Variants in AGTPBP1 observed in about 807,000 individuals in gnomAD.
AGTPBP1 encodes the protein cytosolic carboxypeptidase 1.
AGTPBP1 carries 70 observed loss-of-function variants against 143.9 expected under a neutral mutation model. The ratio of observed to expected loss-of-function variants is 0.49; its 90% CI spans 0.40 to 0.59. AGTPBP1 has a LOEUF of 0.59. Ranked by LOEUF, AGTPBP1 falls within the 20% of genes least tolerant of loss-of-function variation. The pLI, the probability that AGTPBP1 is intolerant of heterozygous loss-of-function variation, is 0.00. For missense variants in AGTPBP1, 1,229 were observed against 1,464.5 expected, an observed-to-expected ratio of 0.84 and a Z score of 2.62; for synonymous variants, 463 against 500.2, an observed-to-expected ratio of 0.93 and a Z score of 0.99.
intron 25 of AGTPBP1, among the ~76,000 whole-genome samples, chr9:85,563,046 A>T (rs1826844046): frequency 6.6e-6 from 1 of 152,184 alleles, no homozygotes; most frequent in African/African-American, 2.4e-5. Context: ...CCAGACACTG[A>T]ATCTGCTGAT....
chr9:85,735,301 C>T (rs1234618533), intron 1 of AGTPBP1, among the ~76,000 whole-genome samples: 1 of 152,196 alleles, frequency 6.6e-6, no homozygotes, highest in Non-Finnish European at 1.5e-5. Context: ...ATGATTGATT[C>T]CACTCATGTG....
chr9:85,549,187 A>G (rs975915791), intron 25 of AGTPBP1, among the ~76,000 whole-genome samples: 15 of 152,214 alleles, frequency 9.9e-5, no homozygotes, highest in African/African-American at 3.1e-4. Flanking sequence ...GGAGACAGTC[A>G]TAACAAGAAG....
At chr9:85,725,439 C>G (rs1251434342) in intron 1 of AGTPBP1, among the ~76,000 whole-genome samples, 2 of 152,048 alleles carry the variant, frequency 1.3e-5, no homozygotes, top group Admixed American at 6.5e-5. Flanking sequence ...TATTGAGATA[C>G]AGTTGTCCTT....
At chr9:85,575,652 G>A (rs1827852145) in intron 24 of AGTPBP1, among the ~76,000 whole-genome samples, 177 bp from the exon 25 acceptor site, 2 of 152,118 alleles carry the variant, frequency 1.3e-5, no homozygotes, top group South Asian at 4.1e-4. Flanking sequence ...ATTATTTTAA[G>A]TCACAAAGGA....
intron 1 of AGTPBP1, among the ~76,000 whole-genome samples, chr9:85,732,593 T>TA (rs1838964180): frequency 6.6e-6 from 1 of 152,122 alleles, no homozygotes; most frequent in Middle Eastern, 3.4e-3. Context: ...ATATGGCATA[T>TA]AAAAAACAAA....
chr9:85,735,492 T>C (rs1042542436), intron 1 of AGTPBP1, among the ~76,000 whole-genome samples: 2 of 152,228 alleles, frequency 1.3e-5, no homozygotes, highest in Non-Finnish European at 2.9e-5. Flanking sequence ...ATATACTTGA[T>C]GCCACTAAAC....
intron 1 of AGTPBP1, among the ~76,000 whole-genome samples, chr9:85,717,675 C>CT (rs1837798591): frequency 6.8e-6 from 1 of 147,808 alleles, no homozygotes; most frequent in African/African-American, 2.5e-5. Context: ...GGATGAGTAT[C>CT]CTTTTTTTTT....
At chr9:85,722,758 G>A (rs558155078) in intron 1 of AGTPBP1, among the ~76,000 whole-genome samples, 2 of 152,082 alleles carry the variant, frequency 1.3e-5, no homozygotes, top group Non-Finnish European at 2.9e-5. Context: ...AGGTGCTCTG[G>A]TTTTTTGAAC....
At chr9:85,651,713 G>C (rs964147136) in intron 11 of AGTPBP1, among the ~76,000 whole-genome samples, 1 of 152,124 alleles carries the variant, frequency 6.6e-6, no homozygotes, top group African/African-American at 2.4e-5. Flanking sequence ...CACATATGGT[G>C]ACAACTAATA....
the AGTPBP1 span, chr9:85,786,552 C>T: frequency 6.2e-7 from 1 of 1,613,824 alleles, no homozygotes. Flanking sequence ...ATCGAAGTAT[C>T]TAGAAAACCA....
At chr9:85,761,725 A>T in the AGTPBP1 span, among the ~76,000 whole-genome samples, 1 of 152,238 alleles carries the variant, frequency 6.6e-6, no homozygotes. Flanking sequence ...CAAGGACTTC[A>T]TGTCTAAAAC....
At chr9:85,730,585 T>A in intron 1 of AGTPBP1, among the ~76,000 whole-genome samples, 1 of 152,138 alleles carries the variant, frequency 6.6e-6, no homozygotes, top group Admixed American at 6.5e-5. Flanking sequence ...ATGAGATACC[T>A]CTTCATAAAC....
chr9:85,732,307 T>C (rs1838939676), intron 1 of AGTPBP1, among the ~76,000 whole-genome samples: 1 of 148,346 alleles, frequency 6.7e-6, no homozygotes, highest in African/African-American at 2.5e-5. Flanking sequence ...CTCCACCTCC[T>C]GGGTTCCGGC....
the AGTPBP1 span, among the ~76,000 whole-genome samples, chr9:85,760,789 G>T: frequency 4.3e-4 from 66 of 152,252 alleles, 1 homozygote; most frequent in South Asian, 0.012. Flanking sequence ...GCAGGAGAAA[G>T]AAATAAAGGG....
chr9:85,581,194 T>C (rs1372237968), intron 23 of AGTPBP1, among the ~76,000 whole-genome samples: 3 of 152,194 alleles, frequency 2.0e-5, no homozygotes, highest in Non-Finnish European at 4.4e-5. Flanking sequence ...ACCGAAAATG[T>C]CTTTTGGAAA....
At chr9:85,745,971 G>T (rs528119448), upstream of AGTPBP1, among the ~76,000 whole-genome samples, 61 of 152,210 alleles carry the variant, frequency 4.0e-4, 1 homozygote, top group African/African-American at 1.4e-3. Flanking sequence ...CAGAAACTCG[G>T]GGCTAGACAT....
chr9:85,718,773 G>A (rs544654326), intron 1 of AGTPBP1, among the ~76,000 whole-genome samples: 1 of 152,124 alleles, frequency 6.6e-6, no homozygotes, highest in Non-Finnish European at 1.5e-5. Context: ...GTATTGACTA[G>A]GTTTTCTTCT....
chr9:85,669,833 T>C (rs540374712), intron 7 of AGTPBP1, among the ~76,000 whole-genome samples: 1 of 151,652 alleles, frequency 6.6e-6, no homozygotes, highest in South Asian at 2.1e-4. Context: ...AAAAAAATTC[T>C]TCAGTTACTC....
chr9:85,681,467 G>T, intron 3 of AGTPBP1, 132 bp from the exon 4 acceptor site: 1 of 676,098 alleles, frequency 1.5e-6, no homozygotes, highest in Non-Finnish European at 2.5e-6. Context: ...GTTCACAGAC[G>T]TTCTTCCCTC....
Sources: gnomAD v4.1 joint callset for allele counts (sites outside exome capture counted in the v4.1 genomes callset) on GRCh38, gnomAD v4.1.1 for gene constraint, MANE v1.5 for transcripts, NCBI Gene and HGNC (gene_info 2026-07-23, HGNC 2026-07-21) for gene names.